Variants in TTC28 observed in about 807,000 individuals in gnomAD.
TTC28 encodes the protein tetratricopeptide repeat protein 28.
In TTC28, 61 loss-of-function variants were observed where a neutral mutation model predicts 198.0. The ratio of observed to expected loss-of-function variants is 0.31; its 90% CI spans 0.25 to 0.38. The LOEUF (loss-of-function observed/expected upper bound fraction) is 0.38. Among genes scored for constraint, TTC28 ranks in the 10% least tolerant of loss-of-function variants. The pLI is 1.00. For missense variants in TTC28, 2,678 were observed against 3,164.0 expected (o/e 0.85, Z 3.69); for synonymous variants, 1,171 against 1,297.8 (o/e 0.90, Z 2.10).
At chr22:28,650,299 G>A (rs1468177516) in intron 1 of TTC28, among the ~76,000 whole-genome samples, 1 of 151,958 alleles carries the variant, frequency 6.6e-6, no homozygotes, top group Non-Finnish European at 1.5e-5. Context: ...CGTGCCTATG[G>A]ACAAGAATCA....
At chr22:28,316,894 A>G (rs2045360913) in intron 2 of TTC28, among the ~76,000 whole-genome samples, 1 of 152,106 alleles carries the variant, frequency 6.6e-6, no homozygotes, top group Admixed American at 6.6e-5. Context: ...AGCCTCCTGC[A>G]TAGCTGGAGC....
At chr22:28,648,325 T>C (rs893723620) in intron 1 of TTC28, among the ~76,000 whole-genome samples, 8 of 151,908 alleles carry the variant, frequency 5.3e-5, no homozygotes, top group Non-Finnish European at 1.2e-4. Context: ...ATGGCCATTA[T>C]TAAAAAACCA....
chr22:28,080,745 C>G (rs2146806033), intron 12 of TTC28, among the ~76,000 whole-genome samples: 1 of 152,252 alleles, frequency 6.6e-6, no homozygotes, highest in East Asian at 1.9e-4. Context: ...GTATCATAAC[C>G]AATAAATTAT....
In TTC28 at chr22:28,139,438, T is replaced by C. The variant is rs1013243467; in HGVS notation, c.1441+23654A>G. 2.0e-5 allele frequency among the ~76,000 whole-genome samples: 3 copies of C among 152,196 alleles called. No homozygotes were observed. In the East Asian group the frequency reaches 5.8e-4, roughly 29 times the overall value. On this transcript the variant is annotated intron_variant, in intron 6 of 22. Coordinates refer to ENST00000397906, the MANE Select transcript of TTC28 (RefSeq NM_001145418.2). ...AGGATGGCCTTAATCATTGTTCTTA[T>C]TATTTTGATTAAGGGCATTTTAATC...
At chr22:28,344,312 C>T (rs1019901006) in intron 2 of TTC28, among the ~76,000 whole-genome samples, 1 of 152,004 alleles carries the variant, frequency 6.6e-6, no homozygotes, top group East Asian at 1.9e-4. Flanking sequence ...TTAAAATATT[C>T]TCAACTCAAT....
intron 5 of TTC28, 101 bp from the exon 6 acceptor site, chr22:28,163,700 G>A: frequency 7.7e-7 from 1 of 1,294,328 alleles, no homozygotes; most frequent in Non-Finnish European, 1.0e-6. Context: ...GGCCGAATAG[G>A]AACAGCTCTA....
At chr22:28,198,926 A>G (rs1283066891) in intron 5 of TTC28, among the ~76,000 whole-genome samples, 1 of 152,120 alleles carries the variant, frequency 6.6e-6, no homozygotes, top group African/African-American at 2.4e-5. Flanking sequence ...GTACCTGCAA[A>G]GTGGGGTGGG....
At chr22:28,357,662 G>GT (rs1425184146) in intron 2 of TTC28, among the ~76,000 whole-genome samples, 3 of 152,100 alleles carry the variant, frequency 2.0e-5, no homozygotes, top group Non-Finnish European at 2.9e-5. Flanking sequence ...AGTCAATTGA[G>GT]TTTTTTACAT....
At chr22:28,489,337 A>G (rs771017186) in intron 2 of TTC28, among the ~76,000 whole-genome samples, 18 of 152,116 alleles carry the variant, frequency 1.2e-4, no homozygotes, top group Non-Finnish European at 2.2e-4. Context: ...CTCTGCCTCC[A>G]TAAGTCAGAA....
chr22:28,578,283 AC>A (rs766671938), intron 2 of TTC28, among the ~76,000 whole-genome samples: 17 of 151,952 alleles, frequency 1.1e-4, no homozygotes, highest in Non-Finnish European at 2.5e-4. Context: ...TCAATTTTTA[AC>A]TTTTGTTGTT....
At chr22:28,266,458 A>G (rs886293919) in intron 5 of TTC28, among the ~76,000 whole-genome samples, 2 of 152,158 alleles carry the variant, frequency 1.3e-5, no homozygotes, top group African/African-American at 4.8e-5. Context: ...ACTCCTTCCA[A>G]TAGGGATGTG....
intron 3 of TTC28, among the ~76,000 whole-genome samples, chr22:28,304,963 G>GTTTATTTATTA (rs1555963501): frequency 1.8e-4 from 25 of 138,956 alleles, no homozygotes; most frequent in African/African-American, 6.5e-4. Flanking sequence ...GTCAGAGTTT[G>GTTTATTTATTA]TTTATTTATT....
At chr22:28,465,300 A>C (rs1374644529) in intron 2 of TTC28, among the ~76,000 whole-genome samples, 2 of 152,166 alleles carry the variant, frequency 1.3e-5, no homozygotes, top group Non-Finnish European at 2.9e-5. Flanking sequence ...AGAAACAGTC[A>C]ATTTCCCAAC....
intron 1 of TTC28, among the ~76,000 whole-genome samples, chr22:28,646,352 G>A (rs2051466738): frequency 6.6e-6 from 1 of 152,140 alleles, no homozygotes; most frequent in South Asian, 2.1e-4. Context: ...TGACCTGGGA[G>A]GTGAAAGATC....
At chr22:28,039,939 T>C (rs1307689428) in intron 12 of TTC28, among the ~76,000 whole-genome samples, 1 of 152,074 alleles carries the variant, frequency 6.6e-6, no homozygotes, top group Non-Finnish European at 1.5e-5. Context: ...CAAACTACCA[T>C]CAGAGAATAC....
At chr22:28,565,287 C>T (rs1340071672) in intron 2 of TTC28, among the ~76,000 whole-genome samples, 6 of 151,992 alleles carry the variant, frequency 3.9e-5, no homozygotes, top group Non-Finnish European at 1.5e-5. Flanking sequence ...AATTAAACTG[C>T]ACCAAAATGT....
chr22:28,007,661 A>T (rs1302428332), intron 14 of TTC28: 1 of 151,952 alleles, frequency 6.6e-6, no homozygotes, highest in Non-Finnish European at 1.5e-5. Context: ...TGATCCCTCC[A>T]CCCCTAGTGG....
chr22:28,165,589 G>T (rs1174311626), intron 5 of TTC28, among the ~76,000 whole-genome samples: 1 of 152,124 alleles, frequency 6.6e-6, no homozygotes, highest in Non-Finnish European at 1.5e-5. Context: ...AGCTTCATAA[G>T]TGAAGGAGAA....
chr22:28,279,652 G>A (rs1345079115), intron 5 of TTC28, among the ~76,000 whole-genome samples: 1 of 152,204 alleles, frequency 6.6e-6, no homozygotes, highest in Non-Finnish European at 1.5e-5. Context: ...TTACAGGTGT[G>A]AGACACCACA....
Sources: gnomAD v4.1 joint callset for allele counts (sites outside exome capture counted in the v4.1 genomes callset) on GRCh38, gnomAD v4.1.1 for gene constraint, MANE v1.5 for transcripts, NCBI Gene and HGNC (gene_info 2026-07-23, HGNC 2026-07-21) for gene names.